Variants in PLPPR1 observed in about 807,000 individuals in gnomAD.
PLPPR1 encodes phospholipid phosphatase related 1.
Under a neutral mutation model 33.1 loss-of-function variants are expected in PLPPR1, and 10 were observed. The observed-to-expected ratio is 0.30, with a 90% CI of 0.19 to 0.51. The LOEUF is 0.51. Ranked by LOEUF, PLPPR1 falls within the 20% of genes least tolerant of loss-of-function variation. The probability of loss-of-function intolerance (pLI) is 0.97; values close to 1 mark genes in which losing one functional copy is unlikely to be tolerated. For synonymous variants in PLPPR1, 151 were observed against 151.0 expected, an observed-to-expected ratio of 1.00 and a Z score of 0.00; for missense variants, 304 against 408.1, an observed-to-expected ratio of 0.74 and a Z score of 2.20.
chr9:101,123,595 T>C (rs537265111), intron 1 of PLPPR1, among the ~76,000 whole-genome samples: 13 of 152,172 alleles, frequency 8.5e-5, no homozygotes, highest in East Asian at 1.9e-4. Flanking sequence ...ACACTATTTA[T>C]TGGTAATCCA....
intron 6 of PLPPR1, among the ~76,000 whole-genome samples, chr9:101,313,396 C>CT (rs1008755273): frequency 7.2e-5 from 11 of 152,314 alleles, no homozygotes; most frequent in African/African-American, 1.4e-4. Flanking sequence ...CAAGCAGCCT[C>CT]TTCTCCAGCA....
chr9:101,206,533 T>A (rs986019637), intron 2 of PLPPR1, among the ~76,000 whole-genome samples: 1 of 152,156 alleles, frequency 6.6e-6, no homozygotes, highest in African/African-American at 2.4e-5. Flanking sequence ...TGCTTTTGAG[T>A]TGTGGGCACA....
intron 2 of PLPPR1, among the ~76,000 whole-genome samples, chr9:101,246,105 TATATAG>T (rs1827605932): frequency 2.7e-5 from 3 of 109,852 alleles, no homozygotes; most frequent in East Asian, 3.4e-4. Context: ...TATATATATA[TATATAG>T]ATAGATAGAT....
intron 2 of PLPPR1, among the ~76,000 whole-genome samples, chr9:101,256,417 G>A (rs1464693099): frequency 6.6e-6 from 1 of 151,974 alleles, no homozygotes; most frequent in Non-Finnish European, 1.5e-5. Flanking sequence ...GAGCCTGACT[G>A]CATTGAAGAA....
At chr9:101,238,482 C>T (rs1827380408) in intron 2 of PLPPR1, among the ~76,000 whole-genome samples, 1 of 150,632 alleles carries the variant, frequency 6.6e-6, no homozygotes, top group Non-Finnish European at 1.5e-5. Flanking sequence ...CTTTTAGCAA[C>T]ATACTTCGAT....
intron 7 of PLPPR1, among the ~76,000 whole-genome samples, chr9:101,318,491 G>A (rs1173137343): frequency 2.6e-5 from 4 of 151,820 alleles, no homozygotes; most frequent in South Asian, 4.2e-4. Context: ...CAGAAGACAG[G>A]CCGAGCGTGG....
rs1436874410 is a variant in PLPPR1 at position 101,286,113 on chromosome 9, G to C, written c.262G>C (p.Gly88Arg). The change falls in exon 4 of 8, where the codon GGT (glycine) becomes CGT (arginine). Residue 88 changes from glycine (G) to arginine (R), a missense_variant. Transcript: ENST00000374874. Reference sequence around the variant, plus strand: ...AACATTCCTTCCCTAGATTTTTATTGGTGAGATATCCATGTATTTCATAAA... The same window carrying C: ...AACATTCCTTCCCTAGATTTTTATTCGTGAGATATCCATGTATTTCATAAA... ...AATPTAIIFI[G>R]EISMYFIKST... 6.2e-7 allele frequency: 1 copy of C among 1,611,414 alleles called. No individual in the cohort carries two copies. Among genetic ancestry groups the C allele is most frequent in the Non-Finnish European group, 8.5e-7 (1 of 1,178,258 alleles).
intron 1 of PLPPR1, among the ~76,000 whole-genome samples, chr9:101,156,181 G>A (rs1288577314): frequency 6.6e-6 from 1 of 152,182 alleles, no homozygotes; most frequent in African/African-American, 2.4e-5. Context: ...GTAGTAGACT[G>A]TATACCACTA....
chr9:101,155,347 G>T (rs1288181498), intron 1 of PLPPR1, among the ~76,000 whole-genome samples: 3 of 152,182 alleles, frequency 2.0e-5, no homozygotes, highest in Non-Finnish European at 4.4e-5. Context: ...AGTTACAGAG[G>T]TTGGGAAGTC....
chr9:101,053,759 G>T (rs1312066398), intron 1 of PLPPR1, among the ~76,000 whole-genome samples: 1 of 152,190 alleles, frequency 6.6e-6, no homozygotes, highest in East Asian at 1.9e-4. Context: ...CATCTTGAAG[G>T]ATAGTCTGGG....
At chr9:101,165,906 A>G (rs780887415) in intron 1 of PLPPR1, among the ~76,000 whole-genome samples, 2 of 152,174 alleles carry the variant, frequency 1.3e-5, no homozygotes, top group African/African-American at 2.4e-5. Context: ...TGAAATGCCA[A>G]ATTCTTAAGC....
At chr9:101,029,690 G>C (rs988496490) in intron 1 of PLPPR1, among the ~76,000 whole-genome samples, 2 of 152,174 alleles carry the variant, frequency 1.3e-5, no homozygotes, top group Non-Finnish European at 2.9e-5. Flanking sequence ...ATCGAGCTCC[G>C]GTGCCAAAGG....
At chr9:101,244,391 A>G (rs1827542993) in intron 2 of PLPPR1, among the ~76,000 whole-genome samples, 1 of 152,026 alleles carries the variant, frequency 6.6e-6, no homozygotes, top group Non-Finnish European at 1.5e-5. Context: ...AAAAATAATT[A>G]ATAGGGTTAC....
intron 2 of PLPPR1, among the ~76,000 whole-genome samples, chr9:101,251,627 T>TC (rs72548328): frequency 0.51 from 77,131 of 151,816 alleles, 21,113 homozygotes; most frequent in African/African-American, 0.73. Context: ...TTTTTGAGTT[T>TC]CACCTGTTAC....
intron 1 of PLPPR1, among the ~76,000 whole-genome samples, chr9:101,135,460 C>T (rs530466138): frequency 6.6e-6 from 1 of 152,158 alleles, no homozygotes; most frequent in Non-Finnish European, 1.5e-5. Flanking sequence ...CCCTGCCAGG[C>T]TAAATGGTCC....
chr9:101,166,858 C>G (rs1405575064), intron 1 of PLPPR1, among the ~76,000 whole-genome samples: 1 of 151,846 alleles, frequency 6.6e-6, no homozygotes, highest in Non-Finnish European at 1.5e-5. Context: ...TGCAGGCAAA[C>G]CATGGCCAAC....
chr9:101,238,782 A>T (rs1005746277), intron 2 of PLPPR1, among the ~76,000 whole-genome samples: 2 of 151,864 alleles, frequency 1.3e-5, no homozygotes, highest in Admixed American at 6.6e-5. Flanking sequence ...CTAAATACAT[A>T]AAAATAAATT....
chr9:101,216,385 G>T (rs1258612328), intron 2 of PLPPR1, among the ~76,000 whole-genome samples: 1 of 150,964 alleles, frequency 6.6e-6, no homozygotes, highest in East Asian at 1.9e-4. Context: ...TTGTTTGTTT[G>T]TTTTCCTCTT....
chr9:101,061,480 A>G (rs951409247), intron 1 of PLPPR1, among the ~76,000 whole-genome samples: 1 of 152,134 alleles, frequency 6.6e-6, no homozygotes, highest in Admixed American at 6.6e-5. Flanking sequence ...GCTCAGTCAG[A>G]CATCTTTATT....
Sources: allele counts gnomAD v4.1 joint callset (sites outside exome capture counted in the v4.1 genomes callset), GRCh38; gene constraint gnomAD v4.1.1; transcripts MANE v1.5; gene names NCBI Gene and HGNC (gene_info 2026-07-23, HGNC 2026-07-21).